LRIG1: variants seen among roughly 807,000 people sequenced by gnomAD.
LRIG1 encodes the protein leucine rich repeats and immunoglobulin like domains 1.
In LRIG1, 48 loss-of-function variants were observed where a neutral mutation model predicts 99.2. That is an observed-to-expected ratio of 0.48 (90% confidence interval 0.38 to 0.62). LRIG1 has a LOEUF of 0.62. Ranked by LOEUF, LRIG1 falls within the 20% of genes least tolerant of loss-of-function variation. LRIG1 has a pLI of 0.00. For missense variants in LRIG1, 1,646 were observed against 1,434.4 expected, an observed-to-expected ratio of 1.15 and a Z score of -2.38; for synonymous variants, 772 against 596.1, an observed-to-expected ratio of 1.29 and a Z score of -4.30.
At chr3:66,398,922 C>G in intron 10 of LRIG1, 48 bp downstream of exon 10, 1 of 1,524,060 alleles carries the variant, frequency 6.6e-7, no homozygotes, top group Non-Finnish European at 9.1e-7. Flanking sequence ...TCCCCGGCAG[C>G]CGCATTCAGC....
At chr3:66,490,001 T>G (rs1419295030) in intron 1 of LRIG1, among the ~76,000 whole-genome samples, 1 of 152,158 alleles carries the variant, frequency 6.6e-6, no homozygotes, top group Non-Finnish European at 1.5e-5. Context: ...CCCAAGTAAA[T>G]AATAAGGTCA....
intron 2 of LRIG1, among the ~76,000 whole-genome samples, chr3:66,452,909 T>C (rs1484517316): frequency 6.6e-6 from 1 of 152,190 alleles, no homozygotes; most frequent in Non-Finnish European, 1.5e-5. Flanking sequence ...CAGATCCGTA[T>C]CATGTGGCAA....
intron 1 of LRIG1, among the ~76,000 whole-genome samples, chr3:66,483,946 G>T (rs1412431400): frequency 6.6e-6 from 1 of 152,226 alleles, no homozygotes; most frequent in Non-Finnish European, 1.5e-5. Context: ...TAACTACAAA[G>T]CCACTTCAGT....
Position 66,383,101 on chromosome 3 carries a change from G to T in LRIG1, c.2372C>A (p.Thr791Asn), listed in dbSNP as rs773252829. The T allele has an allele frequency of 6.2e-7, 1 of 1,614,240 alleles. No homozygotes were observed. The highest frequency in any genetic ancestry group is 1.1e-5 in the South Asian group (1 of 91,088). Residue 791 changes from threonine to asparagine, a missense_variant, in exon 15 of 19, where the codon ACC becomes AAC. Thr to Asn is a moderately conservative substitution (Grantham distance 65, BLOSUM62 0). Transcript: ENST00000273261. ...LPAAGCRKDG[T>N]TVGIFTIAVV... is the part of the protein sequence containing the mutation. ...AGCAATGGTGAAGATGCCTACCGTG[G>T]TCCCATCCTTCCTGCAGCCTGCTGC...
chr3:66,396,059 A>T (rs1277012861), intron 11 of LRIG1, among the ~76,000 whole-genome samples: 2 of 152,246 alleles, frequency 1.3e-5, no homozygotes, highest in Non-Finnish European at 2.9e-5. Flanking sequence ...ACATGTAGAA[A>T]GGGCTAAGCC....
chr3:66,433,521 C>G (rs532854213), intron 3 of LRIG1, among the ~76,000 whole-genome samples: 1 of 152,356 alleles, frequency 6.6e-6, no homozygotes, highest in East Asian at 1.9e-4. Flanking sequence ...GCTGCAGCCT[C>G]TAAGACAAGA....
At chr3:66,404,345 G>A in intron 9 of LRIG1, 1 of 1,286,066 alleles carries the variant, frequency 7.8e-7, no homozygotes, top group Non-Finnish European at 1.0e-6. Flanking sequence ...GAATCGAGCG[G>A]CAGCCGTCCT....
intron 3 of LRIG1, among the ~76,000 whole-genome samples, chr3:66,446,633 T>C (rs1203896183): frequency 4.6e-5 from 7 of 151,974 alleles, no homozygotes; most frequent in African/African-American, 1.7e-4. Context: ...CTCGAACTCC[T>C]GACCTCAGGT....
chr3:66,472,138 A>G (rs1382641926), intron 1 of LRIG1, among the ~76,000 whole-genome samples: 1 of 151,852 alleles, frequency 6.6e-6, no homozygotes, highest in Non-Finnish European at 1.5e-5. Flanking sequence ...TCCCATCTCT[A>G]CTAAAAATAC....
rs139928106 is a variant in LRIG1, at chr3:66,492,739, T to G, written c.218+7451A>C. On this transcript the variant is annotated intron_variant, in intron 1 of 18. Coordinates refer to ENST00000273261, the MANE Select transcript of LRIG1 (RefSeq NM_015541.3). Reference sequence around the variant, plus strand: ...ATCCTGGTTCATAAGGAAACCAAAATGTATTAGGACTTGCAGAAATGAACA... The same window carrying G: ...ATCCTGGTTCATAAGGAAACCAAAAGGTATTAGGACTTGCAGAAATGAACA... 1.4e-3 allele frequency among the ~76,000 whole-genome samples: 218 copies of G among 152,260 alleles called. 3 individuals carry two copies. The East Asian group carries it at 0.034, about 24-fold the overall frequency.
intron 5 of LRIG1, among the ~76,000 whole-genome samples, chr3:66,414,322 C>T (rs543092574): frequency 2.6e-5 from 4 of 151,792 alleles, no homozygotes; most frequent in East Asian, 3.9e-4. Context: ...GTGTGAACCC[C>T]GGGGGCGGAG....
intron 4 of LRIG1, among the ~76,000 whole-genome samples, chr3:66,415,408 A>G (rs760871329): frequency 5.6e-4 from 86 of 152,288 alleles, no homozygotes; most frequent in Non-Finnish European, 1.0e-3. Flanking sequence ...GACTCTTCTC[A>G]CCACCCAGTG....
chr3:66,388,131 AAGGAT>A (rs1290272897), intron 12 of LRIG1: 5 of 149,220 alleles, frequency 3.4e-5, no homozygotes, highest in Admixed American at 2.0e-4. Flanking sequence ...AAAAAAAAAA[AAGGAT>A]AAAGTATGAG....
intron 3 of LRIG1, among the ~76,000 whole-genome samples, chr3:66,418,798 C>G (rs1212481583): frequency 6.6e-6 from 1 of 152,066 alleles, no homozygotes; most frequent in Non-Finnish European, 1.5e-5. Context: ...TGGGGCTTCT[C>G]GTGGACTCCT....
At chr3:66,441,830 A>G (rs560986586) in intron 3 of LRIG1, among the ~76,000 whole-genome samples, 111 of 152,312 alleles carry the variant, frequency 7.3e-4, no homozygotes, top group African/African-American at 2.6e-3. Flanking sequence ...GAGAGAAATA[A>G]CAGGATCCAA....
At chr3:66,382,479 A>C in intron 15 of LRIG1, 81 bp from the exon 16 acceptor site, 1 of 1,536,704 alleles carries the variant, frequency 6.5e-7, no homozygotes, top group African/African-American at 1.4e-5. Flanking sequence ...AAGCTCAGAA[A>C]GGGGATCCTC....
At chr3:66,417,818 C>G (rs1339320099) in intron 3 of LRIG1, among the ~76,000 whole-genome samples, 1 of 151,628 alleles carries the variant, frequency 6.6e-6, no homozygotes, top group Non-Finnish European at 1.5e-5. Context: ...AAGATTACGA[C>G]AAAATCCTGA....
intron 3 of LRIG1, among the ~76,000 whole-genome samples, chr3:66,445,686 C>G (rs1703692967): frequency 1.3e-5 from 2 of 152,160 alleles, no homozygotes; most frequent in Admixed American, 1.3e-4. Flanking sequence ...CACATCAATT[C>G]TTTATTATGC....
At chr3:66,491,025 C>T (rs952307831) in intron 1 of LRIG1, among the ~76,000 whole-genome samples, 5 of 152,234 alleles carry the variant, frequency 3.3e-5, no homozygotes, top group African/African-American at 1.2e-4. Context: ...ACAAACCATG[C>T]AGCAGCTACT....
Sources: allele counts gnomAD v4.1 joint callset (sites outside exome capture counted in the v4.1 genomes callset), GRCh38; gene constraint gnomAD v4.1.1; transcripts MANE v1.5; gene names NCBI Gene and HGNC (gene_info 2026-07-23, HGNC 2026-07-21).